The following TTC39C variants were observed in gnomAD, a reference collection of about 807,000 sequenced individuals.
TTC39C encodes the protein tetratricopeptide repeat protein 39C.
In TTC39C, 33 loss-of-function variants were observed where a neutral mutation model predicts 76.3. The observed-to-expected ratio is 0.43, with a 90% CI of 0.33 to 0.58. The LOEUF is 0.58. Among genes scored for constraint, TTC39C ranks in the 20% least tolerant of loss-of-function variants. TTC39C has a pLI of 0.04. For missense variants in TTC39C, 595 were observed against 701.4 expected (o/e 0.85, Z 1.71); for synonymous variants, 254 against 260.6 (o/e 0.97, Z 0.24).
At chr18:24,066,651 G>C (rs2084169096) in intron 3 of TTC39C, among the ~76,000 whole-genome samples, 3 of 152,152 alleles carry the variant, frequency 2.0e-5, no homozygotes, top group Admixed American at 6.5e-5. Context: ...ATGTTACTTG[G>C]AGTGCCCAAG....
At chr18:24,023,996 A>G (rs1250951581) in intron 1 of TTC39C, among the ~76,000 whole-genome samples, 2 of 3,964 alleles carry the variant, frequency 5.0e-4, no homozygotes, top group African/African-American at 1.5e-3. Flanking sequence ...ATATATATAT[A>G]TATATATATA....
chr18:24,108,420 A>G (rs1199815622), intron 6 of TTC39C, among the ~76,000 whole-genome samples: 1 of 152,130 alleles, frequency 6.6e-6, no homozygotes, highest in Non-Finnish European at 1.5e-5. Flanking sequence ...CCTTGTTTCC[A>G]TTTCTACTCT....
intron 1 of TTC39C, among the ~76,000 whole-genome samples, chr18:24,038,150 A>G (rs1268564157): frequency 6.6e-6 from 1 of 152,202 alleles, no homozygotes; most frequent in Non-Finnish European, 1.5e-5. Flanking sequence ...TAAACTGTAC[A>G]TTAATTAAGT....
chr18:24,034,852 C>A (rs2083713919), intron 1 of TTC39C, among the ~76,000 whole-genome samples: 1 of 152,026 alleles, frequency 6.6e-6, no homozygotes, highest in South Asian at 2.1e-4. Context: ...TTGTATATGC[C>A]ACATTTTGTT....
intron 11 of TTC39C, among the ~76,000 whole-genome samples, chr18:24,129,448 A>G (rs1015491931): frequency 2.6e-5 from 4 of 152,246 alleles, no homozygotes; most frequent in Non-Finnish European, 4.4e-5. Context: ...AGAAGTATAT[A>G]TCAGTGTTAC....
chr18:24,116,981 A>G (rs1413465230), intron 7 of TTC39C, among the ~76,000 whole-genome samples: 2 of 151,538 alleles, frequency 1.3e-5, no homozygotes, highest in Middle Eastern at 3.2e-3. Context: ...GTGCACCACC[A>G]CACCTGGCTA....
At chr18:24,028,155 G>T (rs1053476115) in intron 1 of TTC39C, among the ~76,000 whole-genome samples, 1 of 152,176 alleles carries the variant, frequency 6.6e-6, no homozygotes, top group Non-Finnish European at 1.5e-5. Flanking sequence ...AAAAAAAAAG[G>T]AGGTGGGAAA....
chr18:24,082,327 T>C (rs1307064989), intron 5 of TTC39C, among the ~76,000 whole-genome samples: 1 of 152,098 alleles, frequency 6.6e-6, no homozygotes. Context: ...ATCCCCTCAC[T>C]TATTTTAACC....
At chr18:24,007,214 A>C (rs1006214074) in intron 1 of TTC39C, among the ~76,000 whole-genome samples, 1 of 152,222 alleles carries the variant, frequency 6.6e-6, no homozygotes, top group Non-Finnish European at 1.5e-5. Flanking sequence ...CCTTGTAAAC[A>C]AGAGCTGACT....
intron 5 of TTC39C, 22 bp from the exon 6 acceptor site, chr18:24,082,891 G>C: frequency 6.4e-7 from 1 of 1,566,456 alleles, no homozygotes; most frequent in Non-Finnish European, 8.7e-7. Flanking sequence ...TGTGCTCAAT[G>C]TTTCTCTCCC....
At chr18:24,006,812 G>T (rs532359457) in intron 1 of TTC39C, among the ~76,000 whole-genome samples, 59 of 152,252 alleles carry the variant, frequency 3.9e-4, no homozygotes, top group African/African-American at 1.3e-3. Context: ...TGGCACCAAG[G>T]TCTACTATGA....
At chr18:24,073,812 G>A (rs1264236527) in intron 4 of TTC39C, among the ~76,000 whole-genome samples, 9 of 152,212 alleles carry the variant, frequency 5.9e-5, no homozygotes, top group Admixed American at 5.9e-4. Context: ...GAGCCACCAT[G>A]CCCAGCCAAT....
chr18:24,035,593 T>C (rs528827825), intron 1 of TTC39C, among the ~76,000 whole-genome samples: 1 of 152,340 alleles, frequency 6.6e-6, no homozygotes, highest in African/African-American at 2.4e-5. Flanking sequence ...AAATGTTTAT[T>C]CAAGTCCTTT....
chr18:24,057,525 A>AGTCAGAG (rs2084031604), intron 1 of TTC39C, among the ~76,000 whole-genome samples: 1 of 14,512 alleles, frequency 6.9e-5, no homozygotes, highest in Non-Finnish European at 2.9e-4. Context: ...TTAGAAGTGA[A>AGTCAGAG]TAGTGGTTTT....
At chr18:24,018,185 T>G (rs1165576425) in intron 1 of TTC39C, among the ~76,000 whole-genome samples, 1 of 152,218 alleles carries the variant, frequency 6.6e-6, no homozygotes, top group Non-Finnish European at 1.5e-5. Context: ...CAAACTGCCC[T>G]TTGGTGGTGC....
intron 1 of TTC39C, among the ~76,000 whole-genome samples, chr18:24,018,630 A>G (rs2083483936): frequency 6.6e-6 from 1 of 151,994 alleles, no homozygotes; most frequent in Non-Finnish European, 1.5e-5. Context: ...CCTGAAGGAC[A>G]GTTTTGTGGA....
intron 1 of TTC39C, among the ~76,000 whole-genome samples, chr18:24,039,933 T>C (rs77513757): frequency 0.017 from 2,560 of 152,100 alleles, 65 homozygotes; most frequent in African/African-American, 0.057. Flanking sequence ...AGAGAGGGAA[T>C]ACAGGAAGAG....
intron 1 of TTC39C, among the ~76,000 whole-genome samples, chr18:24,009,204 C>A (rs1441533263): frequency 6.6e-6 from 1 of 152,154 alleles, no homozygotes; most frequent in African/African-American, 2.4e-5. Context: ...ACCTAAAATA[C>A]CAGTTTAAAA....
In TTC39C at chr18:24,123,708, A is replaced by G. The variant is rs139294897; in HGVS notation, c.1187-126A>G. The G allele has an allele frequency of 9.3e-6, 6 of 643,950 alleles. 1 individual carries two copies. The African/African-American group carries it at 9.6e-5, about 10-fold the overall frequency. 39.9% of individuals were successfully genotyped at this position (643,950 alleles called of 1,614,324 possible). A position where few individuals can be genotyped will look rare whatever the true frequency, so the allele number is the denominator to read the frequency against. On this transcript the variant is annotated intron_variant, in intron 8 of 13. Coordinates refer to ENST00000317571, the MANE Select transcript of TTC39C (RefSeq NM_001135993.2). ...TGACATGAACCACCATGTCCAGCCCATTGTGGAATAGTCTTTAAACATATT... is the reference window on the plus strand; with the variant it reads ...TGACATGAACCACCATGTCCAGCCCGTTGTGGAATAGTCTTTAAACATATT...
Sources: gnomAD v4.1 joint callset for allele counts (sites outside exome capture counted in the v4.1 genomes callset) on GRCh38, gnomAD v4.1.1 for gene constraint, MANE v1.5 for transcripts, NCBI Gene and HGNC (gene_info 2026-07-23, HGNC 2026-07-21) for gene names.